IL1RAPL2: variants seen among roughly 807,000 people sequenced by gnomAD.
The protein encoded by IL1RAPL2 is interleukin 1 receptor accessory protein like 2.
Under a neutral mutation model 44.1 loss-of-function variants are expected in IL1RAPL2, and 3 were observed. That is an observed-to-expected ratio of 0.07 (90% CI 0.03 to 0.18). IL1RAPL2 has a LOEUF of 0.18. Among genes scored for constraint, IL1RAPL2 ranks in the 10% least tolerant of loss-of-function variants. The probability of loss-of-function intolerance (pLI) is 1.00; values close to 1 mark genes in which losing one functional copy is unlikely to be tolerated. For synonymous variants in IL1RAPL2, 181 were observed against 178.8 expected, an observed-to-expected ratio of 1.01 and a Z score of -0.10; for missense variants, 391 against 496.4, an observed-to-expected ratio of 0.79 and a Z score of 2.02.
chrX:104,879,272 T>C (rs1406085532), intron 2 of IL1RAPL2, among the ~76,000 whole-genome samples: 1 of 108,423 alleles, frequency 9.2e-6, no homozygotes, highest in Non-Finnish European at 1.9e-5. Flanking sequence ...TCCTAACCTT[T>C]CTTTTTATGT....
At chrX:105,256,760 G>C (rs1484452141) in intron 4 of IL1RAPL2, among the ~76,000 whole-genome samples, 1 of 111,682 alleles carries the variant, frequency 9.0e-6, no homozygotes. Flanking sequence ...TGTACATATA[G>C]GTGTTTCTAG....
chrX:104,732,810 A>G (rs1348275475), intron 2 of IL1RAPL2, among the ~76,000 whole-genome samples: 1 of 111,938 alleles, frequency 8.9e-6, no homozygotes, highest in African/African-American at 3.2e-5. Context: ...CAAACAAGAT[A>G]GATACACTTT....
chrX:104,986,218 C>T (rs1246971069), intron 2 of IL1RAPL2, among the ~76,000 whole-genome samples: 3 of 111,965 alleles, frequency 2.7e-5, no homozygotes, highest in African/African-American at 9.7e-5. Context: ...ACTATCCTGA[C>T]TGCTCCTCCA....
intron 2 of IL1RAPL2, among the ~76,000 whole-genome samples, chrX:104,726,875 C>T (rs2147568279): frequency 9.1e-6 from 1 of 110,130 alleles, no homozygotes; most frequent in Non-Finnish European, 1.9e-5. Context: ...TTGCTCAGGA[C>T]TGTTTTGGCT....
At chrX:105,268,503 T>C (rs183624529) in intron 5 of IL1RAPL2, among the ~76,000 whole-genome samples, 63 of 110,894 alleles carry the variant, frequency 5.7e-4, no homozygotes, top group African/African-American at 2.1e-3. Context: ...GGTTCATGCC[T>C]GTAATCAATC....
intron 2 of IL1RAPL2, among the ~76,000 whole-genome samples, chrX:104,710,960 C>T (rs752218377): frequency 1.8e-5 from 2 of 111,113 alleles, no homozygotes; most frequent in Non-Finnish European, 3.8e-5. Flanking sequence ...AGAGTGTGCT[C>T]CTTCTACCTA....
intron 2 of IL1RAPL2, among the ~76,000 whole-genome samples, chrX:105,034,307 C>T (rs7876149): frequency 0.063 from 7,077 of 111,699 alleles, 597 homozygotes; most frequent in African/African-American, 0.22. Context: ...GCTCTGCTTT[C>T]TAGAGTTTCC....
chrX:104,800,605 AATGAT>A (rs1410961111), intron 2 of IL1RAPL2, among the ~76,000 whole-genome samples: 3 of 112,724 alleles, frequency 2.7e-5, no homozygotes, highest in African/African-American at 6.4e-5. Flanking sequence ...AGGTATGACT[AATGAT>A]ATGATAACTT....
rs191647863 is a variant in IL1RAPL2 at position 105,068,616 on chromosome X, T to C, written c.83-126859T>C. 1.8e-4 allele frequency among the ~76,000 whole-genome samples: 20 copies of C among 112,047 alleles called. No individual in the cohort carries two copies. In the South Asian group the frequency reaches 6.4e-3, roughly 36 times the overall value. On this transcript the variant is annotated intron_variant, in intron 2 of 10. Coordinates refer to ENST00000372582, the MANE Select transcript of IL1RAPL2 (RefSeq NM_017416.2). ...ATTGGTTAGAAAGAATGTTGAGCTC[T>C]CTGGTGGACAGCTGACTTCTCTTAC...
chrX:105,740,267 A>T (rs753848792), intron 7 of IL1RAPL2, among the ~76,000 whole-genome samples: 4 of 112,179 alleles, frequency 3.6e-5, no homozygotes, highest in Non-Finnish European at 7.5e-5. Context: ...CGCTAGCAAG[A>T]CTAATAAAGA....
intron 4 of IL1RAPL2, among the ~76,000 whole-genome samples, chrX:105,249,820 T>C (rs1334178753): frequency 9.0e-6 from 1 of 111,545 alleles, no homozygotes; most frequent in Non-Finnish European, 1.9e-5. Flanking sequence ...CAAAGTAAGC[T>C]TACCATAACA....
intron 5 of IL1RAPL2, among the ~76,000 whole-genome samples, chrX:105,351,202 G>A (rs2035151393): frequency 9.0e-6 from 1 of 111,698 alleles, no homozygotes; most frequent in African/African-American, 3.3e-5. Context: ...GAACATTGTG[G>A]AAGACAGTGT....
At chrX:104,988,242 T>A (rs2030598179) in intron 2 of IL1RAPL2, among the ~76,000 whole-genome samples, 1 of 112,404 alleles carries the variant, frequency 8.9e-6, no homozygotes, top group South Asian at 3.7e-4. Flanking sequence ...TCTGATAAAC[T>A]GCTTCTGAAT....
chrX:104,723,049 C>T (rs1259347619), intron 2 of IL1RAPL2, among the ~76,000 whole-genome samples: 4 of 111,132 alleles, frequency 3.6e-5, no homozygotes, highest in Admixed American at 1.9e-4. Context: ...TGGTCATCCC[C>T]TTATCAGATT....
intron 2 of IL1RAPL2, among the ~76,000 whole-genome samples, chrX:104,865,263 A>T (rs1922588036): frequency 8.9e-6 from 1 of 112,081 alleles, no homozygotes; most frequent in Admixed American, 9.5e-5. Context: ...ATATGACATA[A>T]GATTTATTTA....
chrX:105,220,186 C>A, intron 3 of IL1RAPL2: 1 of 1,211,237 alleles, frequency 8.3e-7, no homozygotes. Context: ...CAAGGCCAGG[C>A]TGCCCCAGGT....
chrX:104,753,259 A>G (rs1932291356), intron 2 of IL1RAPL2, among the ~76,000 whole-genome samples: 6 of 110,474 alleles, frequency 5.4e-5, no homozygotes, highest in Middle Eastern at 4.6e-3. Context: ...ACATAACTCA[A>G]TGAAAGATCA....
At chrX:104,676,468 C>A (rs1384327784) in intron 2 of IL1RAPL2, among the ~76,000 whole-genome samples, 35 of 111,968 alleles carry the variant, frequency 3.1e-4, no homozygotes, top group Non-Finnish European at 1.3e-4. Context: ...CTGAGAGATC[C>A]ACTGTTAGTC....
At chrX:104,731,091 T>G (rs1366562696) in intron 2 of IL1RAPL2, among the ~76,000 whole-genome samples, 4 of 111,766 alleles carry the variant, frequency 3.6e-5, no homozygotes, top group African/African-American at 6.5e-5. Flanking sequence ...TAAATTTGTT[T>G]GAGTTCATTG....
Sources: allele counts gnomAD v4.1 joint callset (sites outside exome capture counted in the v4.1 genomes callset), GRCh38; gene constraint gnomAD v4.1.1; transcripts MANE v1.5; gene names NCBI Gene and HGNC (gene_info 2026-07-23, HGNC 2026-07-21).